CLEC4F: variants seen among roughly 807,000 people sequenced by gnomAD.
CLEC4F encodes the protein C-type lectin domain family 4 member F.
In CLEC4F, 45 loss-of-function variants were observed where a neutral mutation model predicts 53.4. That is an observed-to-expected ratio of 0.84 (90% CI 0.66 to 1.08). CLEC4F has a LOEUF of 1.08. Among genes scored for constraint, CLEC4F ranks in the 50% least tolerant of loss-of-function variants. CLEC4F has a pLI of 0.00. For missense variants in CLEC4F, 753 were observed against 698.2 expected (o/e 1.08, Z -0.88); for synonymous variants, 245 against 257.5 (o/e 0.95, Z 0.46).
chr2:70,820,155 G>C (rs1170519326), intron 1 of CLEC4F, among the ~76,000 whole-genome samples: 6 of 152,234 alleles, frequency 3.9e-5, no homozygotes, highest in Non-Finnish European at 8.8e-5. Flanking sequence ...AAATCTCAAG[G>C]AGGCTTTGGT....
intron 3 of CLEC4F, 124 bp downstream of exon 3, chr2:70,819,231 T>C (rs1553397169): frequency 1.4e-6 from 1 of 723,466 alleles, no homozygotes; most frequent in East Asian, 2.6e-5. Flanking sequence ...AAATTATCTC[T>C]TTCTGTGAGG....
At position 70,816,547 on chromosome 2, in the gene CLEC4F, C is replaced by T. The variant is rs1676924530; in HGVS notation, c.834G>A (p.Leu278=). The part of the protein sequence containing the change: ...RTQNQVLRNS[L]EGANAEIQGL... ...CCTGGATCTCAGCATTGGCTCCTTC[C>T]AAACTATTTCTTAAAACCTGGTTCT... The change falls in exon 4 of 7, where the codon TTG becomes TTA. Residue 278 remains leucine (L), a synonymous_variant. Transcript: ENST00000272367. 1.9e-6 allele frequency: 3 copies of T among 1,614,028 alleles called. No individual in the cohort carries two copies. The highest frequency in any genetic ancestry group is 1.7e-5 in the Admixed American group (1 of 60,018).
chr2:70,818,495 A>G (rs1476029907), intron 3 of CLEC4F, among the ~76,000 whole-genome samples: 2 of 152,064 alleles, frequency 1.3e-5, no homozygotes, highest in Non-Finnish European at 2.9e-5. Context: ...GCAGATCACG[A>G]GGTCAGGGGA....
Position 70,810,687 on chromosome 2 carries a change from C to T in CLEC4F, c.1540-830G>A. 1.9e-5 allele frequency: 4 copies of T among 211,548 alleles called. 1 individual carries two copies. The South Asian group carries it at 3.3e-4, about 17-fold the overall frequency. 13.1% of individuals were successfully genotyped at this position (211,548 alleles called of 1,614,324 possible). The stretch of plus-strand genomic sequence containing the variant: ...CAAACACAGGATACAAAAACCTATA[C>T]TAAACAAAGAAGCTATAATATGGAT... On this transcript the variant is annotated intron_variant, in intron 5 of 6. Transcript: ENST00000272367.
chr2:70,823,658 G>T (rs1483316867), upstream of CLEC4F, among the ~76,000 whole-genome samples: 1 of 152,074 alleles, frequency 6.6e-6, no homozygotes, highest in Non-Finnish European at 1.5e-5. Context: ...TACCAGCAGG[G>T]CAGAAAAACC....
chr2:70,811,525 C>T, intron 5 of CLEC4F: 1 of 391,126 alleles, frequency 2.6e-6, no homozygotes, highest in South Asian at 2.3e-5. Context: ...TACGAAGTTG[C>T]ATGTTCTTTC....
chr2:70,812,530 C>T lies in CLEC4F; in HGVS notation c.1456G>A (p.Val486Ile). The T allele has an allele frequency of 6.2e-7, 1 of 1,614,216 alleles. No individual in the cohort carries two copies. Among genetic ancestry groups the T allele is most frequent in the Admixed American group, 1.7e-5 (1 of 60,032 alleles). ...TCAGCCTCATGCCAAGACTTCTTGA[C>T]ACTAGAAAAATAATATAAGCTTCCA... is the stretch of plus-strand genomic sequence containing the variant. ...NGGSLYYFSS[V>I]KKSWHEAEQF... The change falls in exon 5 of 7, where the codon GTC (valine) becomes ATC (isoleucine). Residue 486 changes from valine (V) to isoleucine (I), a missense_variant. Val to Ile is a conservative substitution (Grantham distance 29, BLOSUM62 3). Coordinates refer to ENST00000272367, the MANE Select transcript of CLEC4F (RefSeq NM_173535.3).
chr2:70,809,836 T>G lies in CLEC4F; in HGVS notation c.1561A>C (p.Ser521Arg). ...AGACCGATCCAGTAGTACACTTTACTTGTGAACTCTACCAGAAATGCCTGC... is the reference window on the plus strand; with the variant it reads ...AGACCGATCCAGTAGTACACTTTACGTGTGAACTCTACCAGAAATGCCTGC... ...EEQAFLVEFT[S>R]KVYYWIGLTD... The change falls in exon 6 of 7, where the codon AGT (serine) becomes CGT (arginine). Residue 521 changes from serine (S) to arginine (R), a missense_variant. Physicochemically the swap from Ser to Arg is moderately radical, Grantham distance 110. Transcript: ENST00000272367. 6.2e-7 allele frequency: 1 copy of G among 1,612,916 alleles called. No homozygotes were observed. Among genetic ancestry groups the G allele is most frequent in the Non-Finnish European group, 8.5e-7 (1 of 1,178,874 alleles).
At position 70,813,551 on chromosome 2, in the gene CLEC4F, CTTTT is replaced by C. The variant is rs375754642; in HGVS notation, c.1388-957_1388-954del. Among the ~76,000 whole-genome samples, 271 of 132,320 alleles carry C rather than the reference CTTTT, an allele frequency of 2.0e-3. 2 individuals are homozygous for C. The highest frequency in any genetic ancestry group is 7.5e-3 in the African/African-American group (262 of 35,014). The allele number at this position is 132,320 out of a possible 152,430, so 86.8% of individuals were successfully genotyped here. A position where few individuals can be genotyped will look rare whatever the true frequency, so the allele number is the denominator to read the frequency against. On this transcript the variant is annotated intron_variant, in intron 4 of 6. Coordinates refer to ENST00000272367, the MANE Select transcript of CLEC4F (RefSeq NM_173535.3). ...TCTTTCTTTCTTTTTTTCTTTCTTT[CTTTT>C]TTTCTTTCTTTCTCTTTCTTTTTCT...
Position 70,816,915 on chromosome 2 carries a change from G to C in CLEC4F, c.466C>G (p.Leu156Val). ...NADIQMVKGV[L>V]KDATTLSLQT... ...AAACTCAATGTAGTGGCATCCTTTA[G>C]AACTCCTTTTACCATCTGGATGTCA... The change falls in exon 4 of 7, where the codon CTA becomes GTA. Residue 156 changes from leucine to valine, a missense_variant. Coordinates refer to ENST00000272367, the MANE Select transcript of CLEC4F (RefSeq NM_173535.3). The C allele has an allele frequency of 6.2e-7, 1 of 1,614,130 alleles. No individual in the cohort carries two copies. Among genetic ancestry groups the C allele is most frequent in the Non-Finnish European group, 8.5e-7 (1 of 1,180,012 alleles).
chr2:70,809,626 TCA>T (rs3217143), intron 6 of CLEC4F, 111 bp downstream of exon 6: 516,665 of 852,912 alleles, frequency 0.61, 158,924 homozygotes, highest in South Asian at 0.68. Context: ...ACCACACACG[TCA>T]CACACACATA....
chr2:70,812,861 G>A (rs1414671593), intron 4 of CLEC4F, among the ~76,000 whole-genome samples: 1 of 152,102 alleles, frequency 6.6e-6, no homozygotes, highest in Admixed American at 6.6e-5. Flanking sequence ...CTGCTTCCTG[G>A]CTATCCTGCC....
At position 70,816,164 on chromosome 2, in the gene CLEC4F, T is replaced by G. The variant is rs548625340; in HGVS notation, c.1217A>C (p.Gln406Pro). ...GMKNASALTS[Q>P]TQMLDSNLQK... ...CAGATTGCTGTCTAACATCTGGGTC[T>G]GGGAAGTTAAGGCTGAAGCATTCTT... The change falls in exon 4 of 7, where the codon CAG (glutamine) becomes CCG (proline). Residue 406 changes from glutamine (Q) to proline (P), a missense_variant. Transcript: ENST00000272367. The G allele has an allele frequency of 1.3e-5, 21 of 1,614,260 alleles. No homozygotes were observed. The South Asian group carries it at 2.3e-4, about 18-fold the overall frequency.
intron 4 of CLEC4F, among the ~76,000 whole-genome samples, chr2:70,814,594 G>A (rs1486910146): frequency 6.6e-6 from 1 of 152,144 alleles, no homozygotes; most frequent in Non-Finnish European, 1.5e-5. Flanking sequence ...TGTCAGCAGT[G>A]TCTTTTTAAT....
intron 2 of CLEC4F, 140 bp downstream of exon 2, chr2:70,819,635 C>A: frequency 1.2e-6 from 1 of 825,960 alleles, no homozygotes; most frequent in East Asian, 2.4e-5. Context: ...CCCAGGGAAG[C>A]TGTGGCTTGG....
In CLEC4F at chr2:70,816,235, A is replaced by G. The variant is rs1247531264; in HGVS notation, c.1146T>C (p.His382=). The G allele has an allele frequency of 1.5e-5, 24 of 1,614,038 alleles. 1 individual carries two copies. The highest frequency in any genetic ancestry group is 1.9e-5 in the Non-Finnish European group (23 of 1,180,040). ...LNAQIQVLNG[H]MKNASREIQT... ...GTATCTCTCTGCTGGCATTTTTCAT[A>G]TGACCATTTAAGACCTGAATCTGGG... Residue 382 remains histidine, a synonymous_variant, in exon 4 of 7, where the codon CAT becomes CAC. Transcript: ENST00000272367.
intron 3 of CLEC4F, 29 bp from the exon 4 acceptor site, chr2:70,817,141 A>T: frequency 6.3e-7 from 1 of 1,589,794 alleles, no homozygotes; most frequent in Non-Finnish European, 8.5e-7. Flanking sequence ...GAAGGCAGCC[A>T]AAGAGGCCCA....
chr2:70,816,341 T>C lies in CLEC4F; in HGVS notation c.1040A>G (p.Lys347Arg), dbSNP rs1179376745. ...DLKMVTAQTQ[K>R]ANGRLDQTDT... is the part of the protein sequence containing the mutation. ...TGTCTGGTCCAGACGGCCATTTGCT[T>C]TTTGGGTCTGGGCTGTGACCATTTT... The change falls in exon 4 of 7, where the codon AAA becomes AGA. Residue 347 changes from lysine to arginine, a missense_variant. Lys to Arg is a conservative substitution (Grantham distance 26, BLOSUM62 2). Transcript: ENST00000272367. The C allele has an allele frequency of 5.6e-6, 9 of 1,614,202 alleles. No homozygotes were observed. Among genetic ancestry groups the C allele is most frequent in the Non-Finnish European group, 7.6e-6 (9 of 1,180,042 alleles).
chr2:70,822,926 C>T (rs1024481917), upstream of CLEC4F, among the ~76,000 whole-genome samples: 15 of 152,248 alleles, frequency 9.9e-5, no homozygotes, highest in Admixed American at 7.2e-4. Flanking sequence ...GCAGACCAAC[C>T]ACAAAGGTGG....
Sources: allele counts gnomAD v4.1 joint callset (sites outside exome capture counted in the v4.1 genomes callset), GRCh38; gene constraint gnomAD v4.1.1; transcripts MANE v1.5; gene names NCBI Gene and HGNC (gene_info 2026-07-23, HGNC 2026-07-21).